The following MAPK10 variants were observed in gnomAD, a reference collection of about 807,000 sequenced individuals.
The protein encoded by MAPK10 is JNK3 alpha protein kinase.
MAPK10 carries 25 observed loss-of-function variants against 59.3 expected under a neutral mutation model. The observed-to-expected ratio is 0.42, with a 90% CI of 0.31 to 0.59. MAPK10 has a LOEUF of 0.59. MAPK10 is among the 20% of genes least tolerant of loss of function. The pLI, the probability that MAPK10 is intolerant of heterozygous loss-of-function variation, is 0.15. For missense variants in MAPK10, 351 were observed against 568.9 expected (o/e 0.62, Z 3.90); for synonymous variants, 190 against 200.5 (o/e 0.95, Z 0.44).
At chr4:86,241,493 A>T (rs558722464) in intron 2 of MAPK10, among the ~76,000 whole-genome samples, 1 of 151,886 alleles carries the variant, frequency 6.6e-6, no homozygotes, top group African/African-American at 2.4e-5. Context: ...TCTTTTTATG[A>T]AGTCCCATAT....
intron 1 of MAPK10, among the ~76,000 whole-genome samples, chr4:86,460,325 T>C (rs1186428125): frequency 6.6e-6 from 1 of 152,196 alleles, no homozygotes; most frequent in Non-Finnish European, 1.5e-5. Flanking sequence ...GCCAATGCCT[T>C]GGTTCTGGAA....
intron 11 of MAPK10, among the ~76,000 whole-genome samples, chr4:86,040,354 A>G (rs1302596520): frequency 6.6e-6 from 1 of 152,204 alleles, no homozygotes; most frequent in African/African-American, 2.4e-5. Context: ...ATTGCCGAAT[A>G]TAATGAATGA....
intron 11 of MAPK10, chr4:86,040,896 A>G (rs1008405315): frequency 1.3e-5 from 2 of 152,216 alleles, no homozygotes; most frequent in African/African-American, 4.8e-5. Context: ...CCTTCAGAAA[A>G]GGAGAGATAA....
chr4:86,175,796 A>G (rs1366197873), intron 3 of MAPK10, among the ~76,000 whole-genome samples: 1 of 152,176 alleles, frequency 6.6e-6, no homozygotes, highest in Admixed American at 6.5e-5. Flanking sequence ...AGAACAGACT[A>G]ATACATGAAG....
intron 1 of MAPK10, among the ~76,000 whole-genome samples, chr4:86,506,337 A>G (rs1267503147): frequency 1.3e-5 from 2 of 152,142 alleles, no homozygotes; most frequent in Non-Finnish European, 2.9e-5. Context: ...GGTCAAAAAT[A>G]TGGGTTTTGA....
chr4:86,180,875 A>G (rs1473278799), intron 3 of MAPK10, among the ~76,000 whole-genome samples: 1 of 152,016 alleles, frequency 6.6e-6, no homozygotes, highest in African/African-American at 2.4e-5. Flanking sequence ...GAAAAAAGAG[A>G]TTGTTAAAGG....
intron 3 of MAPK10, among the ~76,000 whole-genome samples, chr4:86,168,216 C>T (rs912475071): frequency 1.3e-5 from 2 of 152,224 alleles, no homozygotes; most frequent in African/African-American, 2.4e-5. Flanking sequence ...GGGTGCAGGA[C>T]AGTGGGTGCA....
At chr4:86,142,852 C>G (rs531524730) in intron 4 of MAPK10, among the ~76,000 whole-genome samples, 1 of 152,198 alleles carries the variant, frequency 6.6e-6, no homozygotes, top group African/African-American at 2.4e-5. Flanking sequence ...TACACAGACA[C>G]ATGGCATTCA....
At chr4:86,203,528 C>A in intron 2 of MAPK10, among the ~76,000 whole-genome samples, 1 of 151,138 alleles carries the variant, frequency 6.6e-6, no homozygotes, top group African/African-American at 2.4e-5. Context: ...CCATGAACTA[C>A]TAATTATTTA....
At chr4:86,371,392 A>G (rs1456593265) in intron 1 of MAPK10, among the ~76,000 whole-genome samples, 2 of 152,130 alleles carry the variant, frequency 1.3e-5, no homozygotes, top group Non-Finnish European at 1.5e-5. Flanking sequence ...AATCCTCACT[A>G]CTGTATCATA....
At chr4:86,348,986 G>A (rs1185603325) in intron 2 of MAPK10, among the ~76,000 whole-genome samples, 2 of 152,064 alleles carry the variant, frequency 1.3e-5, no homozygotes, top group African/African-American at 4.8e-5. Context: ...TTTTATGAAA[G>A]TCATTCCTAA....
chr4:86,568,319 C>T (rs1289178560), intron 1 of MAPK10, among the ~76,000 whole-genome samples: 1 of 152,042 alleles, frequency 6.6e-6, no homozygotes, highest in Non-Finnish European at 1.5e-5. Context: ...GGAAAAATAT[C>T]AAATGGTCAT....
chr4:86,543,103 CAAGGAAGTTA>C (rs1216585945), intron 1 of MAPK10, among the ~76,000 whole-genome samples: 3 of 152,062 alleles, frequency 2.0e-5, no homozygotes, highest in Non-Finnish European at 4.4e-5. Flanking sequence ...ATCGCAAAGC[CAAGGAAGTTA>C]AAGGGATGTG....
At chr4:86,147,378 C>T (rs1267139580) in intron 4 of MAPK10, among the ~76,000 whole-genome samples, 1 of 152,178 alleles carries the variant, frequency 6.6e-6, no homozygotes, top group Non-Finnish European at 1.5e-5. Context: ...TTTCAGTTTA[C>T]AAACAATGAA....
intron 2 of MAPK10, among the ~76,000 whole-genome samples, chr4:86,202,140 C>A (rs1354272167): frequency 2.6e-5 from 4 of 151,976 alleles, no homozygotes; most frequent in African/African-American, 7.2e-5. Flanking sequence ...TATTTGTAAT[C>A]ATTCATGGGT....
In MAPK10 at chr4:86,096,478, G is replaced by T. The variant is rs17011354; in HGVS notation, c.802+2046C>A. ...AAAGCAATCCGCATAAATGCCTGAA[G>T]AGCTAAATAAGATCTCAGAGAACAA... On this transcript the variant is annotated intron_variant, in intron 9 of 13. Coordinates refer to ENST00000641462, the MANE Select transcript of MAPK10 (RefSeq NM_138982.4). Among the ~76,000 whole-genome samples, 672 of 151,860 alleles carry T rather than the reference G, an allele frequency of 4.4e-3. 6 individuals are homozygous for T. Among genetic ancestry groups the T allele is most frequent in the African/African-American group, 0.016 (649 of 41,482 alleles).
chr4:86,350,939 C>T (rs552083145), intron 2 of MAPK10, among the ~76,000 whole-genome samples: 2 of 152,202 alleles, frequency 1.3e-5, no homozygotes, highest in Non-Finnish European at 1.5e-5. Flanking sequence ...TGTCATCACT[C>T]GTTAATTTAA....
chr4:86,020,134 TA>T (rs2148894522), intron 13 of MAPK10: 1 of 152,376 alleles, frequency 6.6e-6, no homozygotes, highest in African/African-American at 2.4e-5. Flanking sequence ...TTTGCCTCTA[TA>T]AAATTGCCTG....
intron 2 of MAPK10, chr4:86,326,868 C>A (rs916860305): frequency 6.6e-6 from 1 of 152,180 alleles, no homozygotes; most frequent in Middle Eastern, 3.2e-3. Context: ...TATTTAACAA[C>A]CTTGTTCCTT....
Sources: gnomAD v4.1 joint callset for allele counts (sites outside exome capture counted in the v4.1 genomes callset) on GRCh38, gnomAD v4.1.1 for gene constraint, MANE v1.5 for transcripts, NCBI Gene and HGNC (gene_info 2026-07-23, HGNC 2026-07-21) for gene names.